MAPKAP1: variants seen among roughly 807,000 people sequenced by gnomAD.
The protein encoded by MAPKAP1 is target of rapamycin complex 2 subunit MAPKAP1.
A neutral mutation model predicts 65.7 loss-of-function variants in MAPKAP1; 20 were observed. The ratio of observed to expected loss-of-function variants is 0.30; its 90% CI spans 0.21 to 0.44. The LOEUF (loss-of-function observed/expected upper bound fraction) is 0.44. Ranked by LOEUF, MAPKAP1 falls within the 20% of genes least tolerant of loss-of-function variation. The pLI is 1.00. For synonymous variants in MAPKAP1, 222 were observed against 244.3 expected, an observed-to-expected ratio of 0.91 and a Z score of 0.85; for missense variants, 423 against 648.0, an observed-to-expected ratio of 0.65 and a Z score of 3.77.
intron 4 of MAPKAP1, among the ~76,000 whole-genome samples, chr9:125,603,424 T>G (rs1589331697): frequency 6.6e-6 from 1 of 152,024 alleles, no homozygotes; most frequent in South Asian, 2.1e-4. Flanking sequence ...GCACATGACA[T>G]CAACATGGCA....
intron 4 of MAPKAP1, among the ~76,000 whole-genome samples, chr9:125,612,212 G>A (rs182346010): frequency 9.2e-4 from 140 of 152,206 alleles, no homozygotes; most frequent in Admixed American, 2.0e-3. Context: ...TTCAGAGTAA[G>A]AATGCTCAAC....
At chr9:125,597,911 C>T (rs1832186620) in intron 4 of MAPKAP1, among the ~76,000 whole-genome samples, 1 of 152,114 alleles carries the variant, frequency 6.6e-6, no homozygotes, top group African/African-American at 2.4e-5. Context: ...TCTTTAATAA[C>T]ATAGTAGGCA....
At position 125,439,974 on chromosome 9, in the gene MAPKAP1, G is replaced by C. The variant is rs748893047; in HGVS notation, c.1444-962C>G. ...TTGAGGGATACACAGGAGTTTTTGA[G>C]TGCGCAACGGGGAGGAGAGACGCAG... On this transcript the variant is annotated intron_variant, in intron 11 of 11. Transcript: ENST00000265960. This position sits in a 1 kb window ranked among gnomAD's most constrained non-coding sequence, Gnocchi z 4.0. Among the ~76,000 whole-genome samples, 6 of 152,242 alleles carry C rather than the reference G, an allele frequency of 3.9e-5. No homozygotes were observed. Among genetic ancestry groups the C allele is most frequent in the Non-Finnish European group, 8.8e-5 (6 of 68,040 alleles).
intron 3 of MAPKAP1, among the ~76,000 whole-genome samples, chr9:125,666,656 C>A (rs1303000202): frequency 2.6e-5 from 4 of 152,078 alleles, no homozygotes; most frequent in African/African-American, 4.8e-5. Context: ...TAAATAATTA[C>A]CCATCCAAAA....
intron 1 of MAPKAP1, among the ~76,000 whole-genome samples, chr9:125,693,587 A>G (rs899616498): frequency 2.0e-5 from 3 of 150,936 alleles, no homozygotes; most frequent in Non-Finnish European, 4.4e-5. Flanking sequence ...ACATATATAC[A>G]CGTATACACA....
intron 1 of MAPKAP1, among the ~76,000 whole-genome samples, chr9:125,691,003 T>C (rs1232049972): frequency 6.6e-6 from 1 of 152,204 alleles, no homozygotes; most frequent in African/African-American, 2.4e-5. Flanking sequence ...GGCTCACGCC[T>C]GTAATCCCAG....
chr9:125,450,639 T>G (rs1852910158), intron 10 of MAPKAP1, among the ~76,000 whole-genome samples: 2 of 152,208 alleles, frequency 1.3e-5, no homozygotes. Flanking sequence ...CTTTGAGGCT[T>G]GGGATTCTTT....
At chr9:125,693,730 CATAT>C (rs1342948813) in intron 1 of MAPKAP1, among the ~76,000 whole-genome samples, 2 of 134,806 alleles carry the variant, frequency 1.5e-5, no homozygotes, top group South Asian at 2.1e-4. Flanking sequence ...CGTATATACA[CATAT>C]ATACACGTAT....
At chr9:125,448,374 A>C (rs1938614377) in intron 10 of MAPKAP1, among the ~76,000 whole-genome samples, 1 of 152,234 alleles carries the variant, frequency 6.6e-6, no homozygotes, top group Non-Finnish European at 1.5e-5. Flanking sequence ...CTGTCAATAA[A>C]CATGAGTAAT....
chr9:125,692,939 T>C (rs557463898), intron 1 of MAPKAP1, among the ~76,000 whole-genome samples: 7 of 152,234 alleles, frequency 4.6e-5, no homozygotes, highest in African/African-American at 1.7e-4. Flanking sequence ...TGTGTAAAGG[T>C]AACTAACCTA....
chr9:125,672,711 C>T, intron 1 of MAPKAP1, 68 bp from the exon 2 acceptor site: 1 of 995,466 alleles, frequency 1.0e-6, no homozygotes, highest in East Asian at 2.4e-5. Flanking sequence ...ATTTTTCAGA[C>T]ACATTCAGTG....
intron 6 of MAPKAP1, 42 bp from the exon 7 acceptor site, chr9:125,543,210 C>G: frequency 7.3e-7 from 1 of 1,368,454 alleles, no homozygotes; most frequent in East Asian, 2.3e-5. Context: ...CAACATTCAT[C>G]CAGAGAGATG....
rs35868224 is a variant in MAPKAP1, at chr9:125,570,922, TAA to T, written c.672-11115_672-11114del. On this transcript the variant is annotated intron_variant, in intron 5 of 11. Coordinates refer to ENST00000265960, the MANE Select transcript of MAPKAP1 (RefSeq NM_001006617.3). ...CTTAGCGCACTCATCTGCTCTTTCA[TAA>T]AAAAAAAAAATGTAAAGGGTTATAA... Among the ~76,000 whole-genome samples the T allele has an allele frequency of 9.8e-3, 1,404 of 143,130 alleles. 21 individuals are homozygous for T. The highest frequency in any genetic ancestry group is 0.033 in the African/African-American group (1,319 of 39,444). The allele number at this position is 143,130 out of a possible 152,430, so 93.9% of individuals were successfully genotyped here. A position where few individuals can be genotyped will look rare whatever the true frequency, so the allele number is the denominator to read the frequency against.
chr9:125,705,951 C>G (rs1159984280), intron 1 of MAPKAP1, among the ~76,000 whole-genome samples: 2 of 151,980 alleles, frequency 1.3e-5, no homozygotes, highest in African/African-American at 4.8e-5. Flanking sequence ...TAACCAGGAG[C>G]CAGATTAGGA....
intron 5 of MAPKAP1, among the ~76,000 whole-genome samples, chr9:125,568,449 T>G (rs1831128038): frequency 6.6e-6 from 1 of 152,202 alleles, no homozygotes; most frequent in Admixed American, 6.5e-5. Flanking sequence ...CATTGTCGGC[T>G]GCATTGAGTG....
chr9:125,705,097 C>T (rs1835717529), intron 1 of MAPKAP1, among the ~76,000 whole-genome samples: 1 of 152,156 alleles, frequency 6.6e-6, no homozygotes, highest in Admixed American at 6.5e-5. Context: ...AGAGCACAGT[C>T]TTTACATTTA....
intron 4 of MAPKAP1, among the ~76,000 whole-genome samples, chr9:125,652,488 T>C (rs1240717933): frequency 3.9e-5 from 6 of 152,168 alleles, no homozygotes; most frequent in African/African-American, 7.2e-5. Context: ...ACTCATGAAT[T>C]ATCCCTTCCC....
chr9:125,507,681 C>T lies in MAPKAP1; in HGVS notation c.959-1264G>A, dbSNP rs186554669. On this transcript the variant is annotated intron_variant, in intron 7 of 11. Coordinates refer to ENST00000265960, the MANE Select transcript of MAPKAP1 (RefSeq NM_001006617.3). ...TTCTGAATTCTTACATACATTCAGT[C>T]CTTTTTACACTACTTAAATAAAGCT... Among the ~76,000 whole-genome samples, 12 of 152,278 alleles carry T rather than the reference C, an allele frequency of 7.9e-5. No homozygotes were observed. The East Asian group carries it at 2.3e-3, about 29-fold the overall frequency.
intron 1 of MAPKAP1, among the ~76,000 whole-genome samples, chr9:125,684,000 C>T (rs1006711645): frequency 1.3e-5 from 2 of 152,176 alleles, no homozygotes; most frequent in African/African-American, 4.8e-5. Context: ...GTAAGTCCAA[C>T]AGAAGTATCT....
Sources: gnomAD v4.1 joint callset for allele counts (sites outside exome capture counted in the v4.1 genomes callset) on GRCh38, gnomAD v4.1.1 for gene constraint, Gnocchi (gnomAD v3.1) non-coding constraint, MANE v1.5 for transcripts, NCBI Gene and HGNC (gene_info 2026-07-23, HGNC 2026-07-21) for gene names.